Variants in ADD2 observed in about 807,000 individuals in gnomAD.
ADD2 encodes the protein adducin 2, also known as beta-adducin.
Under a neutral mutation model 83.0 loss-of-function variants are expected in ADD2, and 23 were observed. The ratio of observed to expected loss-of-function variants is 0.28; its 90% confidence interval spans 0.20 to 0.39. The LOEUF is 0.39. Ranked by LOEUF, ADD2 falls within the 10% of genes least tolerant of loss-of-function variation. ADD2 has a pLI of 1.00. For missense variants in ADD2, 758 were observed against 944.9 expected, an observed-to-expected ratio of 0.80 and a Z score of 2.59; for synonymous variants, 375 against 375.4, an observed-to-expected ratio of 1.00 and a Z score of 0.01.
At chr2:70,720,352 G>C (rs1990651) in intron 1 of ADD2, among the ~76,000 whole-genome samples, 13,868 of 151,798 alleles carry the variant, frequency 0.091, 655 homozygotes, top group East Asian at 0.12. Context: ...GGCTCACATG[G>C]GGAACTGCTG....
At chr2:70,668,235 TC>T (rs1669739850) in intron 15 of ADD2, among the ~76,000 whole-genome samples, 3 of 152,060 alleles carry the variant, frequency 2.0e-5, no homozygotes, top group Non-Finnish European at 4.4e-5. Flanking sequence ...TCTCTATATA[TC>T]CCCTTGGTTC....
intron 7 of ADD2, 73 bp from the exon 8 acceptor site, chr2:70,691,002 C>A: frequency 6.6e-7 from 1 of 1,512,920 alleles, no homozygotes; most frequent in Non-Finnish European, 8.8e-7. Flanking sequence ...CAGTCCAGCT[C>A]TACTCTGGGG....
rs539767646 is a variant in ADD2, at chr2:70,676,725, C to G, written c.1593+71G>C. 35 of 1,603,892 alleles carry G rather than the reference C, an allele frequency of 2.2e-5. No homozygotes were observed. The Admixed American group carries it at 6.0e-4, about 27-fold the overall frequency. ...TATGAGGACTCAGGGGTCCTGCAAC[C>G]CAGCCCCAGGCACAGAAGACCCCGA... On this transcript the variant is annotated intron_variant, in intron 13 of 15. Coordinates refer to ENST00000264436, the MANE Select transcript of ADD2 (RefSeq NM_001617.4). This position sits in a 1 kb window ranked among gnomAD's most constrained non-coding sequence, Gnocchi z 4.8.
rs1396063970 is a variant in ADD2, at chr2:70,661,521, A to AC, written c.*1903dup. 6.6e-6 allele frequency: 1 copy of AC among 152,156 alleles called. No homozygotes were observed. Among genetic ancestry groups the AC allele is most frequent in the East Asian group, 1.9e-4 (1 of 5,192 alleles). 9.4% of individuals were successfully genotyped at this position (152,156 alleles called of 1,614,324 possible). A position where few individuals can be genotyped will look rare whatever the true frequency, so the allele number is the denominator to read the frequency against. The stretch of plus-strand genomic sequence containing the variant: ...AGTTAGGAATCTGCACTAGAGAGAC[A>AC]CAGTGTCAGGTTTACCTTGGTCCTA... On this transcript the variant is annotated 3_prime_UTR_variant, in exon 16 of 16. Coordinates refer to ENST00000264436, the MANE Select transcript of ADD2 (RefSeq NM_001617.4).
intron 15 of ADD2, among the ~76,000 whole-genome samples, chr2:70,670,171 G>C (rs1341479700): frequency 6.6e-6 from 1 of 152,200 alleles, no homozygotes; most frequent in Non-Finnish European, 1.5e-5. Flanking sequence ...CTAAAACTTA[G>C]TGGCTTAAAA....
At chr2:70,732,374 T>C (rs1012255994) in intron 1 of ADD2, among the ~76,000 whole-genome samples, 9 of 152,222 alleles carry the variant, frequency 5.9e-5, no homozygotes, top group African/African-American at 1.4e-4. Flanking sequence ...TCCTGTCCAA[T>C]TGAGAAACAT....
intron 1 of ADD2, among the ~76,000 whole-genome samples, chr2:70,745,213 A>G (rs1299401794): frequency 6.6e-6 from 1 of 151,916 alleles, no homozygotes; most frequent in East Asian, 1.9e-4. Flanking sequence ...GTGAACCCGG[A>G]GGGCGGAGCT....
chr2:70,761,674 A>AGAGTCT (rs1260552419), intron 1 of ADD2, among the ~76,000 whole-genome samples: 3 of 150,048 alleles, frequency 2.0e-5, no homozygotes, highest in African/African-American at 7.4e-5. Context: ...AAATAGACAC[A>AGAGTCT]ACTTTTTTTT....
In ADD2 at chr2:70,657,397, C is replaced by T. The variant is rs1553364298; in HGVS notation, c.*6028G>A. 3 of 152,160 alleles carry T rather than the reference C, an allele frequency of 2.0e-5. No homozygotes were observed. The highest frequency in any genetic ancestry group is 7.2e-5 in the African/African-American group (3 of 41,410). The allele number at this position is 152,160 out of a possible 1,614,324, so 9.4% of individuals were successfully genotyped here. ...AGCCAGGCGATCTCAGGCTCTGGAC[C>T]GTATGTTCTCCCCCACCTGGCCTCT... On this transcript the variant is annotated 3_prime_UTR_variant, in exon 16 of 16. Coordinates refer to ENST00000264436, the MANE Select transcript of ADD2 (RefSeq NM_001617.4).
intron 1 of ADD2, among the ~76,000 whole-genome samples, chr2:70,743,070 T>C (rs1553381384): frequency 6.6e-6 from 1 of 152,238 alleles, no homozygotes. Flanking sequence ...TCCAAGACTG[T>C]ATTTAATGAA....
rs139586218 is a variant in ADD2 at position 70,674,792 on chromosome 2, C to T, written c.1627G>A (p.Glu543Lys). Residue 543 changes from glutamate (E) to lysine (K), a missense_variant, in exon 14 of 16, where the codon GAG (glutamate) becomes AAG (lysine). By Grantham distance (56) the Glu-to-Lys change is moderately conservative. This residue lies in a region of ADD2 where 394 missense variants were observed against 509.3 expected (regional missense o/e 0.77). Transcript: ENST00000264436. ...TESQLMSKGD[E>K]DTKDDSEETV... ...TCCTCTGAATCGTCTTTGGTATCCTCGTCTCCCTTGGACATCAGCTGGCTC... is the reference window on the plus strand; with the variant it reads ...TCCTCTGAATCGTCTTTGGTATCCTTGTCTCCCTTGGACATCAGCTGGCTC... The T allele has an allele frequency of 1.2e-3, 1,990 of 1,614,104 alleles. 18 individuals are homozygous for T. The highest frequency in any genetic ancestry group is 7.5e-4 in the Admixed American group (45 of 60,020).
At chr2:70,722,471 T>C (rs1264686418) in intron 1 of ADD2, among the ~76,000 whole-genome samples, 1 of 152,240 alleles carries the variant, frequency 6.6e-6, no homozygotes, top group Non-Finnish European at 1.5e-5. Context: ...GACTGCCTTT[T>C]ACATGGTGGG....
intron 6 of ADD2, among the ~76,000 whole-genome samples, chr2:70,693,736 C>G (rs782316966): frequency 2.6e-5 from 4 of 152,200 alleles, no homozygotes; most frequent in African/African-American, 7.2e-5. Flanking sequence ...CCAGCTCCCC[C>G]ACTTCCTCAG....
chr2:70,734,155 C>G (rs72830352), intron 1 of ADD2, among the ~76,000 whole-genome samples: 2 of 152,124 alleles, frequency 1.3e-5, no homozygotes, highest in African/African-American at 4.8e-5. Context: ...AACCAACCAT[C>G]GGGTGGGTGC....
intron 1 of ADD2, among the ~76,000 whole-genome samples, chr2:70,714,166 A>G (rs1574278599): frequency 6.6e-6 from 1 of 152,186 alleles, no homozygotes; most frequent in African/African-American, 2.4e-5. Context: ...AAAATGTTTA[A>G]GAATAAAGAC....
At chr2:70,735,858 C>CTT (rs374727628) in intron 1 of ADD2, among the ~76,000 whole-genome samples, 2,965 of 72,450 alleles carry the variant, frequency 0.041, 306 homozygotes, top group African/African-American at 0.12. Flanking sequence ...CCATGCCCGG[C>CTT]TTTTTTTTTT....
At chr2:70,735,710 C>G (rs763517205) in intron 1 of ADD2, among the ~76,000 whole-genome samples, 1 of 151,178 alleles carries the variant, frequency 6.6e-6, no homozygotes, top group African/African-American at 2.4e-5. Flanking sequence ...TCTATTCCCC[C>G]GCTTTTTTTT....
intron 1 of ADD2, among the ~76,000 whole-genome samples, chr2:70,751,889 A>C (rs537348645): frequency 1.3e-5 from 2 of 152,330 alleles, no homozygotes; most frequent in South Asian, 4.1e-4. Context: ...TTCTCTCAAG[A>C]TATCTCCCCA....
chr2:70,730,650 T>G (rs1182131942), intron 1 of ADD2, among the ~76,000 whole-genome samples: 2 of 152,258 alleles, frequency 1.3e-5, no homozygotes, highest in Non-Finnish European at 2.9e-5. Context: ...TCTCCTCTTT[T>G]TAAAAGTCAG....
Sources: gnomAD v4.1 joint callset for allele counts (sites outside exome capture counted in the v4.1 genomes callset) on GRCh38, gnomAD v4.1.1 for gene constraint, gnomAD v4.1.1 regional missense constraint, Gnocchi (gnomAD v3.1) non-coding constraint, MANE v1.5 for transcripts, NCBI Gene and HGNC (gene_info 2026-07-23, HGNC 2026-07-21) for gene names.